The following PARVA variants were observed in gnomAD, a reference collection of about 807,000 sequenced individuals.
The protein encoded by PARVA is parvin alpha.
PARVA carries 25 observed loss-of-function variants against 52.6 expected under a neutral mutation model. The ratio of observed to expected loss-of-function variants is 0.48; its 90% CI spans 0.35 to 0.66. The LOEUF (loss-of-function observed/expected upper bound fraction) is 0.66, where lower values mean the gene tolerates loss of function less well. PARVA is among the 30% of genes least tolerant of loss of function. The probability of loss-of-function intolerance (pLI) is 0.01; values close to 1 mark genes in which losing one functional copy is unlikely to be tolerated. For missense variants in PARVA, 373 were observed against 450.9 expected, an observed-to-expected ratio of 0.83 and a Z score of 1.56; for synonymous variants, 185 against 179.1, an observed-to-expected ratio of 1.03 and a Z score of -0.26.
At chr11:12,385,161 C>T (rs1030449116) in intron 1 of PARVA, among the ~76,000 whole-genome samples, 4 of 152,022 alleles carry the variant, frequency 2.6e-5, no homozygotes, top group African/African-American at 4.8e-5. Context: ...CATGGCGAAA[C>T]CCCATCTCTA....
intron 1 of PARVA, among the ~76,000 whole-genome samples, chr11:12,410,225 G>A (rs1238990125): frequency 6.6e-6 from 1 of 152,220 alleles, no homozygotes; most frequent in Non-Finnish European, 1.5e-5. Flanking sequence ...CAGGGATCAG[G>A]TTTGCCTTGT....
intron 1 of PARVA, among the ~76,000 whole-genome samples, chr11:12,410,942 C>T (rs996924063): frequency 2.0e-5 from 3 of 152,200 alleles, no homozygotes; most frequent in Non-Finnish European, 4.4e-5. Flanking sequence ...GCTGTCTAAC[C>T]TCGCCGTACC....
rs566316271 is a variant in PARVA, at chr11:12,531,306, A to C, written c.*3381A>C. On this transcript the variant is annotated 3_prime_UTR_variant, in exon 13 of 13. Transcript: ENST00000334956. The stretch of plus-strand genomic sequence containing the variant: ...TCAATTGCTGCTATTGGTGCTTTTT[A>C]ATTATGAATTACTGTTAGCTTGCAT... 6.6e-6 allele frequency among the ~76,000 whole-genome samples: 1 copy of C among 152,242 alleles called. No homozygotes were observed. The highest frequency in any genetic ancestry group is 1.9e-4 in the East Asian group (1 of 5,180).
intron 6 of PARVA, among the ~76,000 whole-genome samples, chr11:12,505,051 A>C (rs1357544850): frequency 6.6e-6 from 1 of 151,996 alleles, no homozygotes; most frequent in Non-Finnish European, 1.5e-5. Flanking sequence ...ATTTCCATTC[A>C]CATATGGCTG....
chr11:12,469,105 C>G (rs1940895418), intron 1 of PARVA, among the ~76,000 whole-genome samples: 1 of 152,160 alleles, frequency 6.6e-6, no homozygotes, highest in South Asian at 2.1e-4. Context: ...CCAATGTCAG[C>G]TATACCCTTG....
At chr11:12,508,506 G>T (rs985609706) in intron 6 of PARVA, 78 bp from the exon 7 acceptor site, 4 of 963,672 alleles carry the variant, frequency 4.2e-6, no homozygotes, top group Non-Finnish European at 6.8e-6. Flanking sequence ...TATCAGGAAT[G>T]CTCATCAGTG....
chr11:12,389,461 C>G (rs1254070245), intron 1 of PARVA, among the ~76,000 whole-genome samples: 2 of 152,194 alleles, frequency 1.3e-5, no homozygotes, highest in Admixed American at 1.3e-4. Flanking sequence ...TTTCTCCCCA[C>G]CTCCCAGCTT....
chr11:12,423,322 G>C (rs958147733), intron 1 of PARVA, among the ~76,000 whole-genome samples: 5 of 151,072 alleles, frequency 3.3e-5, no homozygotes, highest in African/African-American at 1.2e-4. Context: ...AGGACCACAG[G>C]CGTGCGCCAC....
chr11:12,378,891 A>G (rs1041394365), intron 1 of PARVA, among the ~76,000 whole-genome samples: 7 of 152,320 alleles, frequency 4.6e-5, no homozygotes, highest in South Asian at 2.1e-4. Flanking sequence ...CACGCAAGAA[A>G]GAATTCAGGG....
chr11:12,438,109 A>G (rs1940413044), intron 1 of PARVA, among the ~76,000 whole-genome samples: 1 of 151,856 alleles, frequency 6.6e-6, no homozygotes, highest in South Asian at 2.1e-4. Context: ...AAATACAAAA[A>G]ATTAGCCGGG....
intron 4 of PARVA, among the ~76,000 whole-genome samples, chr11:12,482,051 G>C (rs575756647): frequency 2.6e-5 from 4 of 151,032 alleles, no homozygotes; most frequent in Admixed American, 6.6e-5. Context: ...TGCTACTTGC[G>C]AGGCTAAGAC....
intron 4 of PARVA, among the ~76,000 whole-genome samples, chr11:12,493,163 C>T (rs1412056637): frequency 6.6e-6 from 1 of 151,942 alleles, no homozygotes. Flanking sequence ...CGAGACTAGC[C>T]TGACCAACAT....
chr11:12,507,615 C>T (rs1941448378), intron 6 of PARVA, among the ~76,000 whole-genome samples: 1 of 152,146 alleles, frequency 6.6e-6, no homozygotes, highest in Admixed American at 6.5e-5. Flanking sequence ...GCTCCAGGGC[C>T]CCCTCCCCTT....
chr11:12,402,055 C>T (rs554017770), intron 1 of PARVA, among the ~76,000 whole-genome samples: 26 of 152,288 alleles, frequency 1.7e-4, no homozygotes, highest in African/African-American at 6.0e-4. Context: ...TGAGTCAAGG[C>T]CCTGGGAGGG....
intron 1 of PARVA, among the ~76,000 whole-genome samples, chr11:12,445,848 A>G (rs988135311): frequency 2.0e-5 from 3 of 152,244 alleles, no homozygotes; most frequent in Non-Finnish European, 4.4e-5. Context: ...GGCATTTGTC[A>G]GATCACATGT....
chr11:12,437,983 G>A (rs763900225), intron 1 of PARVA, among the ~76,000 whole-genome samples: 78 of 152,212 alleles, frequency 5.1e-4, no homozygotes, highest in Non-Finnish European at 1.0e-3. Flanking sequence ...TACATAGGCC[G>A]GGCGCAGTGG....
At chr11:12,467,724 A>G (rs1020984464) in intron 1 of PARVA, among the ~76,000 whole-genome samples, 5 of 152,254 alleles carry the variant, frequency 3.3e-5, no homozygotes, top group African/African-American at 4.8e-5. Context: ...GATCTAGAGC[A>G]GCCTAAACAT....
intron 1 of PARVA, among the ~76,000 whole-genome samples, chr11:12,439,005 T>G (rs967406757): frequency 1.3e-5 from 2 of 152,182 alleles, no homozygotes; most frequent in Non-Finnish European, 2.9e-5. Context: ...GGTACTGTAG[T>G]GCCTGGGATG....
At chr11:12,496,360 A>G (rs1941298528) in intron 4 of PARVA, 98 bp from the exon 5 acceptor site, 1 of 1,260,930 alleles carries the variant, frequency 7.9e-7, no homozygotes, top group African/African-American at 1.5e-5. Context: ...GCATGCATGC[A>G]TGAGTGCATG....
Sources: gnomAD v4.1 joint callset for allele counts (sites outside exome capture counted in the v4.1 genomes callset) on GRCh38, gnomAD v4.1.1 for gene constraint, MANE v1.5 for transcripts, NCBI Gene and HGNC (gene_info 2026-07-23, HGNC 2026-07-21) for gene names.